Variants in UGT1A10 observed in about 807,000 individuals in gnomAD.
The protein encoded by UGT1A10 is UDP glucuronosyltransferase family 1 member A10, also known as UDP-glucuronosyltransferase 1A10.
A neutral mutation model predicts 45.8 loss-of-function variants in UGT1A10; 49 were observed. The ratio of observed to expected loss-of-function variants is 1.07; its 90% CI spans 0.85 to 1.36. The LOEUF (loss-of-function observed/expected upper bound fraction) is 1.36. UGT1A10 is among the 40% of genes most tolerant of loss of function. UGT1A10 has a pLI of 0.00. For missense variants in UGT1A10, 745 were observed against 668.6 expected (o/e 1.11, Z -1.26); for synonymous variants, 284 against 249.7 (o/e 1.14, Z -1.29).
intron 1 of UGT1A10, among the ~76,000 whole-genome samples, chr2:233,725,123 C>T (rs1575559586): frequency 7.2e-6 from 1 of 137,948 alleles, no homozygotes; most frequent in South Asian, 2.6e-4. Flanking sequence ...TTGCAGTGAG[C>T]CGAGATGGCA....
At position 233,664,249 on chromosome 2, in the gene UGT1A10, CA is replaced by C. The variant is rs1345907780; in HGVS notation, c.855+26874del. 3.8e-4 allele frequency among the ~76,000 whole-genome samples: 58 copies of C among 152,264 alleles called. 2 individuals are homozygous for C. In the South Asian group the frequency reaches 4.2e-3, roughly 11 times the overall value. ...CATTTAACCAGTCTCTAAGAAGGTC[CA>C]AGCTTTCCTTCATCTTCCTGTCTTC... On this transcript the variant is annotated intron_variant, in intron 1 of 4. Coordinates refer to ENST00000344644, the MANE Select transcript of UGT1A10 (RefSeq NM_019075.4).
intron 1 of UGT1A10, among the ~76,000 whole-genome samples, chr2:233,653,723 G>A (rs1218925450): frequency 6.6e-6 from 1 of 151,998 alleles, no homozygotes; most frequent in Non-Finnish European, 1.5e-5. Context: ...CAGCCTCCTG[G>A]GTAGCTGGAA....
intron 1 of UGT1A10, chr2:233,743,625 C>A (rs201123763): frequency 3.7e-6 from 5 of 1,367,318 alleles, no homozygotes; most frequent in Admixed American, 3.8e-5. Context: ...CTGAAGACGT[C>A]GGCTGGGTCG....
In UGT1A10 at chr2:233,686,112, AC is replaced by A. The variant is rs965881190; in HGVS notation, c.855+48738del. ...TCCAAGTCCAAGAGAATGAAGTTGC[AC>A]CCTTACCTTGTATCATATATAAAAA... On this transcript the variant is annotated intron_variant, in intron 1 of 4. Coordinates refer to ENST00000344644, the MANE Select transcript of UGT1A10 (RefSeq NM_019075.4). 7.0e-4 allele frequency among the ~76,000 whole-genome samples: 107 copies of A among 152,284 alleles called. 1 individual carries two copies. The highest frequency in any genetic ancestry group is 2.3e-3 in the African/African-American group (96 of 41,562).
At chr2:233,738,830 G>A (rs1258075165) in intron 1 of UGT1A10, 1 of 152,196 alleles carries the variant, frequency 6.6e-6, no homozygotes, top group African/African-American at 2.4e-5. Context: ...AAATAAGGAG[G>A]AACCAAATGT....
chr2:233,741,224 C>T lies in UGT1A10; in HGVS notation c.856-25810C>T, dbSNP rs565131356. ...AAAACTAGCCAGAGTTGTTACAGAC[C>T]CACTACCTCTGAGTGACACTGGTAT... On this transcript the variant is annotated intron_variant, in intron 1 of 4. Transcript: ENST00000344644. Among the ~76,000 whole-genome samples, 4 of 151,908 alleles carry T rather than the reference C, an allele frequency of 2.6e-5. No individual in the cohort carries two copies. The South Asian group carries it at 8.3e-4, about 32-fold the overall frequency.
intron 1 of UGT1A10, among the ~76,000 whole-genome samples, chr2:233,640,090 T>C (rs929934135): frequency 6.6e-6 from 1 of 152,186 alleles, no homozygotes; most frequent in African/African-American, 2.4e-5. Flanking sequence ...CTTTCCCCAT[T>C]GCTCTAAGAT....
intron 1 of UGT1A10, among the ~76,000 whole-genome samples, chr2:233,698,405 T>C (rs896142522): frequency 6.6e-6 from 1 of 152,204 alleles, no homozygotes; most frequent in African/African-American, 2.4e-5. Flanking sequence ...TTTATGTGAC[T>C]TCATCGCAAT....
chr2:233,729,516 G>A, intron 1 of UGT1A10: 1 of 1,614,186 alleles, frequency 6.2e-7, no homozygotes, highest in Non-Finnish European at 8.5e-7. Flanking sequence ...CTTGTGTGGA[G>A]CTACTACATA....
chr2:233,734,945 G>A (rs141411255), intron 1 of UGT1A10, among the ~76,000 whole-genome samples: 9,860 of 152,158 alleles, frequency 0.065, 535 homozygotes, highest in African/African-American at 0.16. Context: ...CATATGGTCA[G>A]TTTTAGAATA....
intron 1 of UGT1A10, among the ~76,000 whole-genome samples, chr2:233,658,018 CTTTTTT>C (rs34352422): frequency 1.6e-5 from 2 of 128,074 alleles, no homozygotes; most frequent in Non-Finnish European, 3.4e-5. Flanking sequence ...GTTTCCTCCT[CTTTTTT>C]TTTTTTTTTT....
Position 233,744,237 on chromosome 2 carries a change from T to C in UGT1A10, c.856-22797T>C, listed in dbSNP as rs1220461600. On this transcript the variant is annotated intron_variant, in intron 1 of 4. Coordinates refer to ENST00000344644, the MANE Select transcript of UGT1A10 (RefSeq NM_019075.4). ...GTTGGGGAAAAGAGAGGGCCTTGACTTTGGCTGCCTGAAGAACTGTTTTTC... is the reference window on the plus strand; with the variant it reads ...GTTGGGGAAAAGAGAGGGCCTTGACCTTGGCTGCCTGAAGAACTGTTTTTC... Among the ~76,000 whole-genome samples, 6 of 151,784 alleles carry C rather than the reference T, an allele frequency of 4.0e-5. 1 individual carries two copies. Among genetic ancestry groups the C allele is most frequent in the African/African-American group, 1.5e-4 (6 of 41,066 alleles).
intron 1 of UGT1A10, among the ~76,000 whole-genome samples, chr2:233,655,958 CTA>C (rs145331216): frequency 2.1e-3 from 313 of 152,220 alleles, no homozygotes; most frequent in Non-Finnish European, 3.8e-3. Flanking sequence ...GAAAAGGAGT[CTA>C]TATTTCTTGG....
intron 1 of UGT1A10, among the ~76,000 whole-genome samples, chr2:233,642,741 A>T (rs976969874): frequency 1.3e-5 from 2 of 152,242 alleles, no homozygotes; most frequent in Admixed American, 6.5e-5. Flanking sequence ...CCCCAAGCCT[A>T]GTAACGCTGT....
Position 233,696,622 on chromosome 2 carries a change from C to G in UGT1A10, c.855+59245C>G, listed in dbSNP as rs910187626. On this transcript the variant is annotated intron_variant, in intron 1 of 4. Transcript: ENST00000344644. ...TTGGATGCCCTTTCTTTCTTTCTTT[C>G]TCTTGCTTAATTGCTTTGGATAGGA... Among the ~76,000 whole-genome samples, 6 of 148,224 alleles carry G rather than the reference C, an allele frequency of 4.0e-5. No individual in the cohort carries two copies. In the East Asian group the frequency reaches 1.2e-3, roughly 29 times the overall value.
intron 1 of UGT1A10, chr2:233,760,576 CATA>C: frequency 6.2e-7 from 1 of 1,614,196 alleles, no homozygotes; most frequent in Non-Finnish European, 8.5e-7. Flanking sequence ...TAGTCTCGGG[CATA>C]ATGTTTTTGA....
chr2:233,713,914 A>T (rs2076356497), intron 1 of UGT1A10: 2 of 1,612,536 alleles, frequency 1.2e-6, no homozygotes, highest in Admixed American at 3.3e-5. Flanking sequence ...TTTTTAAAAA[A>T]TGTATTTACT....
intron 1 of UGT1A10, among the ~76,000 whole-genome samples, chr2:233,762,901 A>G (rs545178357): frequency 1.3e-5 from 2 of 152,194 alleles, no homozygotes; most frequent in Admixed American, 6.5e-5. Flanking sequence ...GCCAAATATC[A>G]GGGCTATTGA....
At chr2:233,710,173 T>C (rs1247013879) in intron 1 of UGT1A10, among the ~76,000 whole-genome samples, 2 of 152,262 alleles carry the variant, frequency 1.3e-5, no homozygotes, top group Non-Finnish European at 2.9e-5. Context: ...CATTTATTTA[T>C]TGATGGACAT....
Sources: gnomAD v4.1 joint callset for allele counts (sites outside exome capture counted in the v4.1 genomes callset) on GRCh38, gnomAD v4.1.1 for gene constraint, MANE v1.5 for transcripts, NCBI Gene and HGNC (gene_info 2026-07-23, HGNC 2026-07-21) for gene names.